Variants in GALNT13 observed in about 807,000 individuals in gnomAD.
GALNT13 encodes UDP-GalNAc:polypeptide N-acetylgalactosaminyltransferase 13.
Under a neutral mutation model 64.2 loss-of-function variants are expected in GALNT13, and 28 were observed. The ratio of observed to expected loss-of-function variants is 0.44; its 90% CI spans 0.32 to 0.60. The LOEUF (loss-of-function observed/expected upper bound fraction) is 0.60, where lower values mean the gene tolerates loss of function less well. Ranked by LOEUF, GALNT13 falls within the 20% of genes least tolerant of loss-of-function variation. GALNT13 has a pLI of 0.05. For missense variants in GALNT13, 577 were observed against 669.8 expected, an observed-to-expected ratio of 0.86 and a Z score of 1.53; for synonymous variants, 214 against 224.6, an observed-to-expected ratio of 0.95 and a Z score of 0.42.
At chr2:154,080,244 A>G (rs962700608) in intron 3 of GALNT13, among the ~76,000 whole-genome samples, 1 of 151,612 alleles carries the variant, frequency 6.6e-6, no homozygotes, top group Admixed American at 6.6e-5. Flanking sequence ...GAGCTGGAGT[A>G]CGGCTACTCT....
At chr2:153,196,503 C>G in the GALNT13 span, among the ~76,000 whole-genome samples, 5 of 152,128 alleles carry the variant, frequency 3.3e-5, no homozygotes, top group Non-Finnish European at 5.9e-5. Flanking sequence ...TGAGAGTCGA[C>G]ACTCCCAAGC....
chr2:153,102,044 A>G, the GALNT13 span, among the ~76,000 whole-genome samples: 7 of 152,074 alleles, frequency 4.6e-5, no homozygotes, highest in African/African-American at 1.7e-4. Context: ...GTTTTTTGTT[A>G]TTTATGGAAA....
chr2:153,602,936 G>T, the GALNT13 span, among the ~76,000 whole-genome samples: 15 of 151,768 alleles, frequency 9.9e-5, no homozygotes. Flanking sequence ...TACAAGATGG[G>T]TCTCAATTCA....
At chr2:153,781,959 T>C in the GALNT13 span, among the ~76,000 whole-genome samples, 7 of 152,176 alleles carry the variant, frequency 4.6e-5, no homozygotes, top group Non-Finnish European at 1.0e-4. Flanking sequence ...CCAGCTACCA[T>C]GTTGTGACCT....
chr2:153,100,576 T>C, the GALNT13 span, among the ~76,000 whole-genome samples: 766 of 152,334 alleles, frequency 5.0e-3, 1 homozygote, highest in Non-Finnish European at 9.4e-3. Context: ...ATCAGTCTCA[T>C]TATTTTATGC....
chr2:153,948,294 C>T (rs924118634), intron 3 of GALNT13, among the ~76,000 whole-genome samples: 3 of 150,740 alleles, frequency 2.0e-5, no homozygotes, highest in African/African-American at 4.9e-5. Context: ...AAATCAAAGC[C>T]GCAATGAGAT....
At chr2:154,072,426 A>C (rs1031420809) in intron 3 of GALNT13, among the ~76,000 whole-genome samples, 1 of 152,090 alleles carries the variant, frequency 6.6e-6, no homozygotes. Flanking sequence ...TGTTTAGCTT[A>C]TAGTTTGTTT....
chr2:154,230,948 A>G (rs1688883699), intron 4 of GALNT13, among the ~76,000 whole-genome samples: 1 of 152,140 alleles, frequency 6.6e-6, no homozygotes, highest in South Asian at 2.1e-4. Flanking sequence ...TTAATAGGCT[A>G]AATGCAGTGG....
chr2:153,477,059 C>T, the GALNT13 span, among the ~76,000 whole-genome samples: 1 of 152,114 alleles, frequency 6.6e-6, no homozygotes, highest in Non-Finnish European at 1.5e-5. Context: ...TCTGTCGTCT[C>T]GCCTACCTGA....
At chr2:153,525,912 G>T in the GALNT13 span, among the ~76,000 whole-genome samples, 1 of 152,330 alleles carries the variant, frequency 6.6e-6, no homozygotes, top group African/African-American at 2.4e-5. Context: ...TTGGTAGGCT[G>T]GCAGTACTGC....
the GALNT13 span, among the ~76,000 whole-genome samples, chr2:153,273,483 G>T: frequency 1.3e-5 from 2 of 152,072 alleles, no homozygotes; most frequent in South Asian, 2.1e-4. Flanking sequence ...AACTTGACAA[G>T]ATTACAGAGA....
chr2:153,318,523 G>A, the GALNT13 span, among the ~76,000 whole-genome samples: 1 of 152,202 alleles, frequency 6.6e-6, no homozygotes, highest in Non-Finnish European at 1.5e-5. Flanking sequence ...TTCCAATCAT[G>A]AGGAAAGAGC....
At chr2:153,617,596 C>A in the GALNT13 span, among the ~76,000 whole-genome samples, 110 of 151,886 alleles carry the variant, frequency 7.2e-4, no homozygotes, top group Admixed American at 1.4e-3. Flanking sequence ...AGTATTCCCT[C>A]CTCTTTTATT....
At chr2:153,810,951 T>C in the GALNT13 span, among the ~76,000 whole-genome samples, 1 of 152,204 alleles carries the variant, frequency 6.6e-6, no homozygotes, top group African/African-American at 2.4e-5. Flanking sequence ...TGTCATTGTT[T>C]TACTATATTT....
At chr2:153,951,819 T>C (rs1692205891) in intron 3 of GALNT13, among the ~76,000 whole-genome samples, 1 of 152,190 alleles carries the variant, frequency 6.6e-6, no homozygotes, top group Non-Finnish European at 1.5e-5. Context: ...TCTGACCTTT[T>C]ATTAAAGTGA....
At chr2:153,491,198 C>T in the GALNT13 span, among the ~76,000 whole-genome samples, 1 of 151,664 alleles carries the variant, frequency 6.6e-6, no homozygotes, top group African/African-American at 2.4e-5. Context: ...TTTAACTCAG[C>T]AATAACAGAT....
At chr2:153,234,002 CTTATAACTAATTTCATGGTAGTACAAT>C in the GALNT13 span, among the ~76,000 whole-genome samples, 2 of 152,080 alleles carry the variant, frequency 1.3e-5, no homozygotes, top group Non-Finnish European at 2.9e-5. Flanking sequence ...ATAAAAGAAG[CTTATAACTAATTTCATGGTAGTACAAT>C]TTAAGTCACA....
intron 3 of GALNT13, among the ~76,000 whole-genome samples, chr2:153,946,580 G>A (rs988266475): frequency 1.3e-5 from 2 of 152,006 alleles, no homozygotes; most frequent in African/African-American, 4.8e-5. Flanking sequence ...CTTGTAAACA[G>A]CTGTCTTCTC....
the GALNT13 span, among the ~76,000 whole-genome samples, chr2:153,681,075 T>C: frequency 6.6e-6 from 1 of 151,884 alleles, no homozygotes; most frequent in African/African-American, 2.4e-5. Flanking sequence ...AATTCCCTAA[T>C]GACACCTGCA....
Sources: allele counts gnomAD v4.1 joint callset (sites outside exome capture counted in the v4.1 genomes callset), GRCh38; gene constraint gnomAD v4.1.1; transcripts MANE v1.5; gene names NCBI Gene and HGNC (gene_info 2026-07-23, HGNC 2026-07-21).